TRIM36: variants seen among roughly 807,000 people sequenced by gnomAD.
TRIM36 encodes the protein tripartite motif containing 36.
In TRIM36, 42 loss-of-function variants were observed where a neutral mutation model predicts 72.4. That is an observed-to-expected ratio of 0.58 (90% CI 0.45 to 0.75). TRIM36 has a LOEUF of 0.75. Ranked by LOEUF, TRIM36 falls within the 30% of genes least tolerant of loss-of-function variation. The pLI, the probability that TRIM36 is intolerant of heterozygous loss-of-function variation, is 0.00. For synonymous variants in TRIM36, 315 were observed against 282.8 expected (o/e 1.11, Z -1.14); for missense variants, 913 against 857.1 (o/e 1.07, Z -0.81).
chr5:115,161,347 T>A (rs1754472543), intron 2 of TRIM36, among the ~76,000 whole-genome samples: 1 of 152,172 alleles, frequency 6.6e-6, no homozygotes, highest in Non-Finnish European at 1.5e-5. Flanking sequence ...GTGCTGGAGA[T>A]ATGGCATGTG....
chr5:115,163,830 C>T (rs1754619949), intron 1 of TRIM36, 78 bp from the exon 2 acceptor site: 8 of 1,051,934 alleles, frequency 7.6e-6, no homozygotes, highest in Non-Finnish European at 1.1e-5. Context: ...TGAATAAGTA[C>T]ATGTGTTTAT....
Position 115,147,315 on chromosome 5 carries a change from T to C in TRIM36, c.342A>G (p.Glu114=), listed in dbSNP as rs779884336. 17 of 1,614,082 alleles carry C rather than the reference T, an allele frequency of 1.1e-5. No homozygotes were observed. Among genetic ancestry groups the C allele is most frequent in the Non-Finnish European group, 1.3e-5 (15 of 1,180,050 alleles). The part of the protein sequence containing the change: ...PGCEHDVDLG[E]RGINGLFRNF... ...TTCGAAACAGACCATTGATTCCTCG[T>C]TCTCCAAGATCCACATCATGCTCAC... Residue 114 remains glutamate, a synonymous_variant, in exon 3 of 10, where the codon GAA becomes GAG. Coordinates refer to ENST00000513154, the MANE Select transcript of TRIM36 (RefSeq NM_001300759.2).
At chr5:115,140,320 C>A (rs527969503) in intron 5 of TRIM36, among the ~76,000 whole-genome samples, 19 of 152,220 alleles carry the variant, frequency 1.2e-4, no homozygotes, top group African/African-American at 4.6e-4. Context: ...AACAAGTGTA[C>A]AACAAAGTCA....
intron 2 of TRIM36, 48 bp from the exon 3 acceptor site, chr5:115,147,442 T>C: frequency 6.4e-7 from 1 of 1,561,572 alleles, no homozygotes. Flanking sequence ...AGGAAAATGA[T>C]TAGAATGAAG....
intron 1 of TRIM36, among the ~76,000 whole-genome samples, chr5:115,166,821 C>T (rs1754804948): frequency 1.3e-5 from 2 of 152,164 alleles, no homozygotes; most frequent in Admixed American, 6.5e-5. Flanking sequence ...CTGGGTGCCA[C>T]CATGTTCCAC....
chr5:115,174,053 G>A (rs939388227), upstream of TRIM36: 2 of 152,184 alleles, frequency 1.3e-5, no homozygotes, highest in African/African-American at 4.8e-5. Flanking sequence ...CTCAATCAAT[G>A]TTCATTGCTT....
At position 115,137,047 on chromosome 5, in the gene TRIM36, G is replaced by C. The variant is rs749643112; in HGVS notation, c.1163C>G (p.Thr388Ser). 2 of 1,611,268 alleles carry C rather than the reference G, an allele frequency of 1.2e-6. No individual in the cohort carries two copies. Among genetic ancestry groups the C allele is most frequent in the East Asian group, 2.2e-5 (1 of 44,810 alleles). Residue 388 changes from threonine (T) to serine (S), a missense_variant, in exon 7 of 10, where the codon ACC (threonine) becomes AGC (serine). Physicochemically the swap from Thr to Ser is moderately conservative, Grantham distance 58. Coordinates refer to ENST00000513154, the MANE Select transcript of TRIM36 (RefSeq NM_001300759.2). ...QTSFEDYVVN[T>S]SKQTELLGEL... ...TCCAAGAAGTTCTGTTTGTTTAGAG[G>C]TATTAACAACATAGTCTTCAAAAGA...
In TRIM36 at chr5:115,126,491, C is replaced by T; in HGVS notation, c.*12G>A. The T allele has an allele frequency of 6.3e-7, 1 of 1,595,142 alleles. No homozygotes were observed. The highest frequency in any genetic ancestry group is 1.7e-5 in the Admixed American group (1 of 59,372). On this transcript the variant is annotated 3_prime_UTR_variant, in exon 10 of 10. Coordinates refer to ENST00000513154, the MANE Select transcript of TRIM36 (RefSeq NM_001300759.2). ...TTACAGTTTTTATCCTGAGTCACAT[C>T]AGATGTTTCAACTACATGTCCTCTT...
intron 2 of TRIM36, among the ~76,000 whole-genome samples, chr5:115,162,207 C>T (rs185285722): frequency 6.6e-6 from 1 of 152,308 alleles, no homozygotes; most frequent in East Asian, 1.9e-4. Context: ...TTCTAAGTTT[C>T]CCCTCTCAGG....
chr5:115,126,230 T>C lies in TRIM36; in HGVS notation c.*273A>G, dbSNP rs1383372338. ...CACCAGCTGACAGAAATAAATTAGATATCCTGTACATAAAGTAAAAGACAG... is the reference window on the plus strand; with the variant it reads ...CACCAGCTGACAGAAATAAATTAGACATCCTGTACATAAAGTAAAAGACAG... On this transcript the variant is annotated 3_prime_UTR_variant, in exon 10 of 10. Coordinates refer to ENST00000513154, the MANE Select transcript of TRIM36 (RefSeq NM_001300759.2). The C allele has an allele frequency of 1.2e-5, 4 of 323,164 alleles. No individual in the cohort carries two copies. In the East Asian group the frequency reaches 1.5e-4, roughly 12 times the overall value. The allele number at this position is 323,164 out of a possible 1,614,324, so 20.0% of individuals were successfully genotyped here. A position where few individuals can be genotyped will look rare whatever the true frequency, so the allele number is the denominator to read the frequency against.
At chr5:115,160,601 G>T (rs1347269561) in intron 2 of TRIM36, among the ~76,000 whole-genome samples, 2 of 152,142 alleles carry the variant, frequency 1.3e-5, no homozygotes, top group East Asian at 3.9e-4. Context: ...ACTTTGGAAG[G>T]CCAAGGCACA....
Position 115,147,170 on chromosome 5 carries a change from T to G in TRIM36, c.487A>C (p.Ser163Arg). 1 of 1,614,236 alleles carries G rather than the reference T, an allele frequency of 6.2e-7. No homozygotes were observed. Among genetic ancestry groups the G allele is most frequent in the Non-Finnish European group, 8.5e-7 (1 of 1,180,042 alleles). Residue 163 changes from serine to arginine, a missense_variant, in exon 3 of 10, where the codon AGT becomes CGT. Transcript: ENST00000513154. ...QESTKSCMDC[S>R]ASYCNECFKI... Reference sequence around the variant, plus strand: ...AAGCATTCATTGCAGTAACTTGCACTACAGTCCATGCAGCTTTTTGTGGAT... The same window carrying G: ...AAGCATTCATTGCAGTAACTTGCACGACAGTCCATGCAGCTTTTTGTGGAT...
rs577282813 is a variant in TRIM36 at position 115,130,958 on chromosome 5, T to C, written c.1499-69A>G. The C allele has an allele frequency of 2.1e-4, 308 of 1,487,152 alleles. 3 individuals carry two copies. The African/African-American group carries it at 3.8e-3, about 18-fold the overall frequency. The allele number at this position is 1,487,152 out of a possible 1,614,324, so 92.1% of individuals were successfully genotyped here. On this transcript the variant is annotated intron_variant, in intron 8 of 9. Coordinates refer to ENST00000513154, the MANE Select transcript of TRIM36 (RefSeq NM_001300759.2). ...GCTCTAGTTTGTTAAATCTGATAGG[T>C]TTTCTTACAGAAATTACTGAAGAGA...
At chr5:115,149,995 G>A (rs892864879) in intron 2 of TRIM36, among the ~76,000 whole-genome samples, 14 of 152,072 alleles carry the variant, frequency 9.2e-5, no homozygotes, top group African/African-American at 2.7e-4. Flanking sequence ...TCCTGACCTC[G>A]TGATCCACCT....
At position 115,137,527 on chromosome 5, in the gene TRIM36, T is replaced by A. The variant is rs1420192098; in HGVS notation, c.921A>T (p.Lys307Asn). The change falls in exon 6 of 10, where the codon AAA becomes AAT. Residue 307 changes from lysine to asparagine, a missense_variant. Transcript: ENST00000513154. ...TTAGTTTCTTAGAGGAGTCAATTGC[T>A]TTCAAAACAGATGATTTCCTCTCTT... ...VLEERKSSVL[K>N]AIDSSKKLRL... is the part of the protein sequence containing the mutation. 1.9e-6 allele frequency: 3 copies of A among 1,614,014 alleles called. No homozygotes were observed. In the African/African-American group the frequency reaches 4.0e-5, roughly 22 times the overall value.
At chr5:115,131,706 A>G (rs1324849620) in intron 8 of TRIM36, among the ~76,000 whole-genome samples, 1 of 152,198 alleles carries the variant, frequency 6.6e-6, no homozygotes, top group Non-Finnish European at 1.5e-5. Context: ...ATGCTACAAC[A>G]TGTATGATAC....
At chr5:115,133,283 T>C (rs1231135751) in intron 8 of TRIM36, among the ~76,000 whole-genome samples, 3 of 152,170 alleles carry the variant, frequency 2.0e-5, no homozygotes, top group East Asian at 1.9e-4. Flanking sequence ...GCGCTCTATA[T>C]GTAGTATCAG....
intron 5 of TRIM36, among the ~76,000 whole-genome samples, chr5:115,140,128 A>C (rs1753198670): frequency 2.0e-5 from 3 of 152,256 alleles, no homozygotes; most frequent in Non-Finnish European, 2.9e-5. Context: ...GATCAGGAAA[A>C]TAATATTAAA....
At chr5:115,175,153 T>TA (rs111847672) in intron 1 of TRIM36, among the ~76,000 whole-genome samples, 56,651 of 146,436 alleles carry the variant, frequency 0.39, 12,467 homozygotes, top group African/African-American at 0.63. Context: ...GCACATATTC[T>TA]AAAAAAAAAA....
Sources: allele counts gnomAD v4.1 joint callset (sites outside exome capture counted in the v4.1 genomes callset), GRCh38; gene constraint gnomAD v4.1.1; transcripts MANE v1.5; gene names NCBI Gene and HGNC (gene_info 2026-07-23, HGNC 2026-07-21).